SNTG1: variants seen among roughly 807,000 people sequenced by gnomAD.
SNTG1 encodes gamma-1-syntrophin.
A neutral mutation model predicts 74.7 loss-of-function variants in SNTG1; 39 were observed. The observed-to-expected ratio is 0.52, with a 90% CI of 0.40 to 0.68. SNTG1 has a LOEUF of 0.68. SNTG1 is among the 30% of genes least tolerant of loss of function. The probability of loss-of-function intolerance (pLI) is 0.00; values close to 1 mark genes in which losing one functional copy is unlikely to be tolerated. For synonymous variants in SNTG1, 254 were observed against 217.1 expected (o/e 1.17, Z -1.49); for missense variants, 685 against 609.5 (o/e 1.12, Z -1.30).
intron 2 of SNTG1, among the ~76,000 whole-genome samples, chr8:50,391,758 G>T (rs1444181177): frequency 6.6e-6 from 1 of 151,982 alleles, no homozygotes; most frequent in African/African-American, 2.4e-5. Flanking sequence ...GCCTGTTATT[G>T]GTCTATTCAG....
intron 1 of SNTG1, among the ~76,000 whole-genome samples, chr8:49,916,041 T>C (rs1805998271): frequency 6.6e-6 from 1 of 152,220 alleles, no homozygotes; most frequent in Non-Finnish European, 1.5e-5. Flanking sequence ...ACTAAAAATA[T>C]ACTGACAGTA....
At chr8:50,486,433 T>G (rs1186643591) in intron 8 of SNTG1, among the ~76,000 whole-genome samples, 1 of 136,218 alleles carries the variant, frequency 7.3e-6, no homozygotes, top group Non-Finnish European at 1.6e-5. Context: ...AGTTCACTCA[T>G]GATTTGGCTC....
At chr8:50,012,364 A>G (rs1407525797) in intron 1 of SNTG1, among the ~76,000 whole-genome samples, 1 of 152,152 alleles carries the variant, frequency 6.6e-6, no homozygotes, top group Non-Finnish European at 1.5e-5. Flanking sequence ...GCAATACAAT[A>G]AATCTCATCA....
At position 49,938,597 on chromosome 8, in the gene SNTG1, CT is replaced by C. The variant is rs755805948; in HGVS notation, c.-103+26370del. Among the ~76,000 whole-genome samples, 54 of 32,496 alleles carry C rather than the reference CT, an allele frequency of 1.7e-3. 1 individual carries two copies. Among genetic ancestry groups the C allele is most frequent in the African/African-American group, 5.9e-3 (49 of 8,330 alleles). The allele number at this position is 32,496 out of a possible 152,430, so 21.3% of individuals were successfully genotyped here. ...CTTTTCTTTTCTTTTCTTTTCTTTT[CT>C]TTTCTTTTCTTTCTTTCTTTCTTTC... On this transcript the variant is annotated intron_variant, in intron 1 of 18. Coordinates refer to ENST00000642720, the MANE Select transcript of SNTG1 (RefSeq NM_018967.5).
chr8:50,334,594 G>C (rs546519690), intron 2 of SNTG1, among the ~76,000 whole-genome samples: 3 of 151,662 alleles, frequency 2.0e-5, no homozygotes, highest in African/African-American at 7.3e-5. Flanking sequence ...TGTAGCAATT[G>C]AAGACTAACC....
Position 50,704,739 on chromosome 8 carries a change from T to C in SNTG1, c.1178T>C (p.Val393Ala), listed in dbSNP as rs1239998954. The change falls in exon 16 of 19, where the codon GTA becomes GCA. Residue 393 changes from valine to alanine, a missense_variant. Coordinates refer to ENST00000642720, the MANE Select transcript of SNTG1 (RefSeq NM_018967.5). ...TTCCAGACAGCAACCTTTCTAGAAG[T>C]AGAACGGATACAGGTGAGAGTCTGT... ...RAFQTATFLE[V>A]ERIQCKTYAC... The C allele has an allele frequency of 1.2e-6, 2 of 1,614,022 alleles. No homozygotes were observed.
chr8:50,099,226 G>T (rs1461372742), intron 1 of SNTG1, among the ~76,000 whole-genome samples: 1 of 152,052 alleles, frequency 6.6e-6, no homozygotes, highest in Non-Finnish European at 1.5e-5. Flanking sequence ...ATTTTCTGCT[G>T]CTGGTCTTTG....
At chr8:50,333,625 T>A (rs576951504) in intron 2 of SNTG1, among the ~76,000 whole-genome samples, 1 of 152,354 alleles carries the variant, frequency 6.6e-6, no homozygotes, top group Admixed American at 6.5e-5. Flanking sequence ...GGAACAAATA[T>A]ATTTCTTGTT....
intron 1 of SNTG1, among the ~76,000 whole-genome samples, chr8:50,136,034 T>C (rs2081464245): frequency 6.6e-6 from 1 of 152,126 alleles, no homozygotes; most frequent in East Asian, 1.9e-4. Context: ...TTAGTTTGAT[T>C]AGGATAATGG....
chr8:50,623,064 T>C (rs2094933571), intron 13 of SNTG1, among the ~76,000 whole-genome samples: 1 of 152,136 alleles, frequency 6.6e-6, no homozygotes, highest in Non-Finnish European at 1.5e-5. Context: ...TTTTTGGTTT[T>C]GTTTTTTGTG....
intron 15 of SNTG1, among the ~76,000 whole-genome samples, chr8:50,677,965 C>T (rs2095315708): frequency 6.6e-6 from 1 of 151,696 alleles, no homozygotes; most frequent in Non-Finnish European, 1.5e-5. Context: ...ACAACATACA[C>T]CAGGGCGTGT....
At chr8:50,236,948 A>G (rs957230324) in intron 2 of SNTG1, among the ~76,000 whole-genome samples, 3 of 152,158 alleles carry the variant, frequency 2.0e-5, no homozygotes, top group Non-Finnish European at 4.4e-5. Flanking sequence ...GTGTATCTAA[A>G]AAATAACTTT....
At chr8:49,923,050 T>G (rs1201376588) in intron 1 of SNTG1, among the ~76,000 whole-genome samples, 1 of 152,260 alleles carries the variant, frequency 6.6e-6, no homozygotes, top group African/African-American at 2.4e-5. Context: ...TTTAAGGCCC[T>G]TTTTCTTAGG....
intron 2 of SNTG1, among the ~76,000 whole-genome samples, chr8:50,254,902 C>A (rs1349316): frequency 7.0e-6 from 1 of 142,326 alleles, no homozygotes; most frequent in African/African-American, 2.6e-5. Context: ...GAGTCTCTTG[C>A]GCAAGACTTC....
chr8:50,408,315 G>A (rs1179471016), intron 4 of SNTG1, among the ~76,000 whole-genome samples: 1 of 152,134 alleles, frequency 6.6e-6, no homozygotes, highest in Non-Finnish European at 1.5e-5. Flanking sequence ...AAATTGTAAA[G>A]TAAATCCCTC....
rs2095508252 is a variant in SNTG1, at chr8:50,729,693, T to A, written c.1284+20715T>A. Among the ~76,000 whole-genome samples, 4 of 152,118 alleles carry A rather than the reference T, an allele frequency of 2.6e-5. No homozygotes were observed. In the South Asian group the frequency reaches 8.3e-4, roughly 32 times the overall value. ...GCAGAGAAATAGGTTTGTGAGTTGG[T>A]ACACTCAGGACACACCTGTATGTAA... On this transcript the variant is annotated intron_variant, in intron 17 of 18. Coordinates refer to ENST00000642720, the MANE Select transcript of SNTG1 (RefSeq NM_018967.5).
intron 1 of SNTG1, among the ~76,000 whole-genome samples, chr8:50,146,683 T>C (rs945563067): frequency 6.6e-6 from 1 of 152,198 alleles, no homozygotes; most frequent in African/African-American, 2.4e-5. Context: ...AGGATTCCTG[T>C]GCCTGCCGAT....
chr8:50,307,030 C>A (rs1162976488), intron 2 of SNTG1, among the ~76,000 whole-genome samples: 2 of 151,938 alleles, frequency 1.3e-5, no homozygotes, highest in Admixed American at 6.6e-5. Flanking sequence ...TATATGAGCT[C>A]ATCAATATTC....
intron 9 of SNTG1, among the ~76,000 whole-genome samples, chr8:50,511,308 C>T (rs757333514): frequency 3.3e-5 from 5 of 152,040 alleles, no homozygotes; most frequent in Non-Finnish European, 7.4e-5. Flanking sequence ...TGTTCTTTTA[C>T]ATTTGCTGAG....
Sources: allele counts gnomAD v4.1 joint callset (sites outside exome capture counted in the v4.1 genomes callset), GRCh38; gene constraint gnomAD v4.1.1; transcripts MANE v1.5; gene names NCBI Gene and HGNC (gene_info 2026-07-23, HGNC 2026-07-21).